The following PLA2G5 variants were observed in gnomAD, a reference collection of about 807,000 sequenced individuals.
PLA2G5 encodes phospholipase A2 group V, also known as Ca2+-dependent phospholipase A2.
In PLA2G5, 12 loss-of-function variants were observed where a neutral mutation model predicts 15.9. The ratio of observed to expected loss-of-function variants is 0.76; its 90% CI spans 0.48 to 1.23. The LOEUF (loss-of-function observed/expected upper bound fraction) is 1.23. Ranked by LOEUF, PLA2G5 falls within the 50% of genes most tolerant of loss-of-function variation. The pLI is 0.00. For synonymous variants in PLA2G5, 71 were observed against 71.4 expected (o/e 0.99, Z 0.03); for missense variants, 169 against 177.1 (o/e 0.95, Z 0.26).
chr1:20,084,180 G>A (rs2016172970), intron 1 of PLA2G5, among the ~76,000 whole-genome samples: 1 of 149,362 alleles, frequency 6.7e-6, no homozygotes, highest in Non-Finnish European at 1.5e-5. Flanking sequence ...CTGGCACATT[G>A]TGGGAGCCCA....
chr1:20,089,661 C>T, intron 3 of PLA2G5, 128 bp from the exon 4 acceptor site: 1 of 685,018 alleles, frequency 1.5e-6, no homozygotes, highest in Non-Finnish European at 2.6e-6. Flanking sequence ...CTACCAGATC[C>T]TCCCTGCCAC....
intron 2 of PLA2G5, among the ~76,000 whole-genome samples, chr1:20,061,586 CAA>C (rs35346493): frequency 1.9e-3 from 131 of 67,718 alleles, no homozygotes; most frequent in African/African-American, 6.4e-3. Flanking sequence ...ACCCTGTCTC[CAA>C]AAAAAAAAAA....
At chr1:20,070,184 C>T, upstream of PLA2G5, 1 of 985,398 alleles carries the variant, frequency 1.0e-6, no homozygotes, top group Non-Finnish European at 1.2e-6. Flanking sequence ...CTTCCTGCCT[C>T]TGCAAAGGCA....
chr1:20,089,987 G>C, intron 4 of PLA2G5, 92 bp downstream of exon 4: 4 of 866,732 alleles, frequency 4.6e-6, no homozygotes, highest in Non-Finnish European at 7.3e-6. Context: ...ATCTTGTTGG[G>C]GGAGGAGGAG....
chr1:20,072,066 C>T (rs1390958210), intron 1 of PLA2G5, among the ~76,000 whole-genome samples: 2 of 145,752 alleles, frequency 1.4e-5, no homozygotes, highest in Non-Finnish European at 3.0e-5. Context: ...TGAGATCGCA[C>T]CGCTGCGCTC....
intron 1 of PLA2G5, among the ~76,000 whole-genome samples, chr1:20,072,938 C>G (rs1027479167): frequency 1.1e-4 from 16 of 152,174 alleles, no homozygotes; most frequent in Admixed American, 9.2e-4. Context: ...GCATTTGGTC[C>G]TCGTAGTGCC....
chr1:20,051,909 G>A (rs2014196271), intron 1 of PLA2G5, among the ~76,000 whole-genome samples: 1 of 152,110 alleles, frequency 6.6e-6, no homozygotes, highest in Admixed American at 6.5e-5. Flanking sequence ...CCCAATTCAA[G>A]TATTTGATGG....
intron 1 of PLA2G5, among the ~76,000 whole-genome samples, chr1:20,039,880 AAT>A (rs2013493297): frequency 6.6e-6 from 1 of 152,196 alleles, no homozygotes; most frequent in Non-Finnish European, 1.5e-5. Flanking sequence ...AACCGTCTGT[AAT>A]ATATCTCTCA....
At chr1:20,071,877 G>A (rs758165074) in intron 1 of PLA2G5, among the ~76,000 whole-genome samples, 1 of 152,144 alleles carries the variant, frequency 6.6e-6, no homozygotes, top group African/African-American at 2.4e-5. Context: ...GGAGGCCGAC[G>A]TGGGTGGATC....
At chr1:20,052,624 A>G (rs528457140) in intron 1 of PLA2G5, among the ~76,000 whole-genome samples, 1 of 152,314 alleles carries the variant, frequency 6.6e-6, no homozygotes, top group Non-Finnish European at 1.5e-5. Flanking sequence ...GGACCTACTC[A>G]TCCAGGAATC....
chr1:20,075,869 T>TC (rs1491103605), intron 1 of PLA2G5, among the ~76,000 whole-genome samples: 139 of 35,652 alleles, frequency 3.9e-3, no homozygotes, highest in African/African-American at 0.014. Context: ...TTTCTTTCTC[T>TC]TTTTTTTTTT....
At chr1:20,033,783 A>T (rs890865921) in intron 1 of PLA2G5, among the ~76,000 whole-genome samples, 5 of 151,614 alleles carry the variant, frequency 3.3e-5, no homozygotes, top group Non-Finnish European at 4.4e-5. Context: ...TTTTTTTTTT[A>T]AAGTTTTTAA....
At chr1:20,079,008 G>A (rs965609778) in intron 1 of PLA2G5, among the ~76,000 whole-genome samples, 1 of 151,862 alleles carries the variant, frequency 6.6e-6, no homozygotes, top group African/African-American at 2.4e-5. Context: ...TACTCGAGAG[G>A]CAGAGGCAGG....
At position 20,086,103 on chromosome 1, in the gene PLA2G5, G is replaced by A. The variant is rs201974975; in HGVS notation, c.61G>A (p.Gly21Ser). The A allele has an allele frequency of 1.2e-6, 2 of 1,614,032 alleles. No individual in the cohort carries two copies. The highest frequency in any genetic ancestry group is 1.3e-5 in the African/African-American group (1 of 74,908). ...LACSVPAVQG[G>S]LLDLKSMIEK... The stretch of plus-strand genomic sequence containing the variant: ...TCCAGGTGTGCCTGCTGTGCAAGGA[G>A]GCTTGCTGGACCTAAAATCAATGAT... The change falls in exon 3 of 5, where the codon GGC (glycine) becomes AGC (serine). Residue 21 changes from glycine to serine, a missense_variant. Physicochemically the swap from Gly to Ser is moderately conservative, Grantham distance 56. Coordinates refer to ENST00000375108, the MANE Select transcript of PLA2G5 (RefSeq NM_000929.3).
intron 1 of PLA2G5, among the ~76,000 whole-genome samples, chr1:20,043,346 T>C (rs1380256798): frequency 6.6e-6 from 1 of 152,076 alleles, no homozygotes; most frequent in African/African-American, 2.4e-5. Context: ...GTAAAGAGAG[T>C]TTATAGGCTT....
At chr1:20,068,908 C>A (rs11573185), upstream of PLA2G5, 669,937 of 1,281,692 alleles carry the variant, frequency 0.52, 179,473 homozygotes, top group Admixed American at 0.58. Context: ...CACACTCCCC[C>A]CTACGTCCTT....
chr1:20,072,385 A>G (rs1362528291), intron 1 of PLA2G5, among the ~76,000 whole-genome samples: 1 of 152,134 alleles, frequency 6.6e-6, no homozygotes, highest in Non-Finnish European at 1.5e-5. Flanking sequence ...CGTGCTTGCT[A>G]AATAGTTATT....
At chr1:20,042,363 A>C (rs2013646735) in intron 1 of PLA2G5, among the ~76,000 whole-genome samples, 1 of 152,178 alleles carries the variant, frequency 6.6e-6, no homozygotes, top group African/African-American at 2.4e-5. Context: ...TGGATCAGAG[A>C]GATACAGCCG....
In PLA2G5 at chr1:20,086,178, T is replaced by A. The variant is rs1347106056; in HGVS notation, c.136T>A (p.Cys46Ser). 6.2e-7 allele frequency: 1 copy of A among 1,614,142 alleles called. No homozygotes were observed. The highest frequency in any genetic ancestry group is 8.5e-7 in the Non-Finnish European group (1 of 1,180,010). ...CCTGACAAACTACGGCTTCTACGGC[T>A]GTTACTGCGGCTGGGGCGGCCGAGG... ...NALTNYGFYG[C>S]YCGWGGRGTP... The change falls in exon 3 of 5, where the codon TGT becomes AGT. Residue 46 changes from cysteine to serine, a missense_variant. By Grantham distance (112) the Cys-to-Ser change is moderately radical. Coordinates refer to ENST00000375108, the MANE Select transcript of PLA2G5 (RefSeq NM_000929.3).
Sources: allele counts gnomAD v4.1 joint callset (sites outside exome capture counted in the v4.1 genomes callset), GRCh38; gene constraint gnomAD v4.1.1; transcripts MANE v1.5; gene names NCBI Gene and HGNC (gene_info 2026-07-23, HGNC 2026-07-21).